RABGEF1: variants seen among roughly 807,000 people sequenced by gnomAD.
RABGEF1 encodes the protein RAB guanine nucleotide exchange factor 1.
A neutral mutation model predicts 57.3 loss-of-function variants in RABGEF1; 26 were observed. The ratio of observed to expected loss-of-function variants is 0.45; its 90% CI spans 0.33 to 0.63. The LOEUF (loss-of-function observed/expected upper bound fraction) is 0.63, where lower values mean the gene tolerates loss of function less well. RABGEF1 is among the 20% of genes least tolerant of loss of function. RABGEF1 has a pLI of 0.02. For missense variants in RABGEF1, 464 were observed against 607.6 expected (o/e 0.76, Z 2.48); for synonymous variants, 185 against 210.7 (o/e 0.88, Z 1.06).
At chr7:66,754,855 G>C (rs1802328151) in intron 1 of RABGEF1, among the ~76,000 whole-genome samples, 1 of 152,276 alleles carries the variant, frequency 6.6e-6, no homozygotes, top group South Asian at 2.1e-4. Context: ...CTACAGCAAA[G>C]CTAAAACTAT....
At chr7:66,780,243 TAGTC>T (rs1809572600) in intron 3 of RABGEF1, among the ~76,000 whole-genome samples, 1 of 151,670 alleles carries the variant, frequency 6.6e-6, no homozygotes, top group Non-Finnish European at 1.5e-5. Context: ...TACTACCTCA[TAGTC>T]AGTTGTTAAT....
At chr7:66,751,187 C>T (rs971700874) in intron 1 of RABGEF1, among the ~76,000 whole-genome samples, 10 of 152,120 alleles carry the variant, frequency 6.6e-5, no homozygotes, top group African/African-American at 2.4e-4. Flanking sequence ...TGCGCCACCG[C>T]ACCTGGCTAA....
chr7:66,663,056 G>A, the RABGEF1 span, among the ~76,000 whole-genome samples: 22 of 152,362 alleles, frequency 1.4e-4, 1 homozygote, highest in African/African-American at 5.1e-4. Context: ...CGCCCAGGGC[G>A]GAAAACCGCT....
Position 66,810,571 on chromosome 7 carries a change from AT to A in RABGEF1, c.*1290del, listed in dbSNP as rs1218603909. The A allele has an allele frequency of 6.6e-6, 1 of 152,210 alleles. No individual in the cohort carries two copies. The highest frequency in any genetic ancestry group is 1.5e-5 in the Non-Finnish European group (1 of 68,028). 9.4% of individuals were successfully genotyped at this position (152,210 alleles called of 1,614,324 possible). ...TGATGTTAACTAAAACGAGTTAAAT[AT>A]TTAGGAGGCTTGACAGCTACCTGCA... On this transcript the variant is annotated 3_prime_UTR_variant, in exon 9 of 9. Transcript: ENST00000284957.
intron 2 of RABGEF1, among the ~76,000 whole-genome samples, chr7:66,729,339 G>C (rs1797033656): frequency 2.5e-4 from 1 of 3,992 alleles, no homozygotes; most frequent in African/African-American, 9.9e-4. Context: ...CCTCCCCTCT[G>C]TTCTCCCTTC....
At chr7:66,798,635 G>A (rs146600540) in intron 6 of RABGEF1, among the ~76,000 whole-genome samples, 5 of 152,284 alleles carry the variant, frequency 3.3e-5, no homozygotes, top group Non-Finnish European at 5.9e-5. Flanking sequence ...GGTCCTGCCC[G>A]TGGCCTCCTA....
chr7:66,752,275 C>A (rs1335245498), intron 1 of RABGEF1, among the ~76,000 whole-genome samples: 1 of 151,932 alleles, frequency 6.6e-6, no homozygotes, highest in Admixed American at 6.6e-5. Context: ...GGACGGATCA[C>A]AACAAGGTCA....
chr7:66,664,420 A>T, the RABGEF1 span, among the ~76,000 whole-genome samples: 3 of 151,460 alleles, frequency 2.0e-5, no homozygotes, highest in Non-Finnish European at 4.4e-5. Flanking sequence ...TCTCTACAGA[A>T]GTTTTTTGTT....
intron 2 of RABGEF1, among the ~76,000 whole-genome samples, chr7:66,724,384 G>A (rs928053979): frequency 1.0e-4 from 15 of 150,332 alleles, no homozygotes; most frequent in East Asian, 5.9e-4. Context: ...TTTTTGAGAC[G>A]GAGTCTCGCT....
rs1009973371 is a variant in RABGEF1, at chr7:66,792,148, G to A, written c.514-3363G>A. ...AAAAGATTATAGAAAAGATGATCCC[G>A]TACAATGATTAGAGAGTACTTGAGG... is the stretch of plus-strand genomic sequence containing the variant. On this transcript the variant is annotated intron_variant, in intron 4 of 8. Coordinates refer to ENST00000284957, the MANE Select transcript of RABGEF1 (RefSeq NM_014504.3). 1.5e-4 allele frequency among the ~76,000 whole-genome samples: 22 copies of A among 151,416 alleles called. No individual in the cohort carries two copies. In the East Asian group the frequency reaches 1.5e-3, roughly 11 times the overall value.
At chr7:66,766,171 T>C (rs1805648629) in intron 1 of RABGEF1, among the ~76,000 whole-genome samples, 1 of 151,942 alleles carries the variant, frequency 6.6e-6, no homozygotes, top group African/African-American at 2.4e-5. Flanking sequence ...ACACCGCCTC[T>C]ACAAAAAAAT....
intron 8 of RABGEF1, among the ~76,000 whole-genome samples, chr7:66,806,640 CTTTTTTTTTTTT>C (rs71997947): frequency 8.7e-6 from 1 of 114,620 alleles, no homozygotes; most frequent in Middle Eastern, 4.5e-3. Flanking sequence ...CTCATATATC[CTTTTTTTTTTTT>C]TTTTTTTTTG....
At chr7:66,682,947 A>G (rs1038580693) in intron 1 of RABGEF1, among the ~76,000 whole-genome samples, 12 of 152,166 alleles carry the variant, frequency 7.9e-5, no homozygotes, top group African/African-American at 9.7e-5. Context: ...AGGCTAGGTC[A>G]TAGGCAGCTG....
intron 1 of RABGEF1, chr7:66,755,788 G>C (rs968957618): frequency 2.9e-6 from 1 of 345,814 alleles, no homozygotes; most frequent in African/African-American, 2.1e-5. Context: ...GAAGACTGTT[G>C]TCTAGAACTC....
At chr7:66,682,569 C>T (rs1357897749) in intron 1 of RABGEF1, among the ~76,000 whole-genome samples, 1 of 152,192 alleles carries the variant, frequency 6.6e-6, no homozygotes, top group African/African-American at 2.4e-5. Context: ...CCGGCGGCTC[C>T]CCTCGGTCCG....
At chr7:66,808,222 T>C (rs1788854407) in intron 8 of RABGEF1, among the ~76,000 whole-genome samples, 1 of 151,948 alleles carries the variant, frequency 6.6e-6, no homozygotes, top group South Asian at 2.1e-4. Flanking sequence ...TTGTTCCTTT[T>C]TTTTTTTTTT....
In RABGEF1 at chr7:66,809,733, A is replaced by T. The variant is rs1789203144; in HGVS notation, c.*449A>T. On this transcript the variant is annotated 3_prime_UTR_variant, in exon 9 of 9. Transcript: ENST00000284957. ...GATAAGTAAATATGTAAAATTGTAAATATGTAAAAAAAAGAATGGTGTCTG... is the reference window on the plus strand; with the variant it reads ...GATAAGTAAATATGTAAAATTGTAATTATGTAAAAAAAAGAATGGTGTCTG... 1.3e-5 allele frequency: 2 copies of T among 153,246 alleles called. No individual in the cohort carries two copies. The highest frequency in any genetic ancestry group is 4.8e-5 in the African/African-American group (2 of 41,468). The allele number at this position is 153,246 out of a possible 1,614,324, so 9.5% of individuals were successfully genotyped here. A position where few individuals can be genotyped will look rare whatever the true frequency, so the allele number is the denominator to read the frequency against.
chr7:66,781,897 C>G (rs1360937375), intron 3 of RABGEF1, among the ~76,000 whole-genome samples: 2 of 152,214 alleles, frequency 1.3e-5, no homozygotes, highest in Non-Finnish European at 2.9e-5. Context: ...CTGGGACACT[C>G]TAGGACAGAC....
intron 1 of RABGEF1, among the ~76,000 whole-genome samples, chr7:66,697,127 G>A (rs144792815): frequency 1.3e-5 from 2 of 152,276 alleles, no homozygotes; most frequent in African/African-American, 4.8e-5. Context: ...GGTGGAGGGG[G>A]TGCAGAGCAG....
Sources: allele counts gnomAD v4.1 joint callset (sites outside exome capture counted in the v4.1 genomes callset), GRCh38; gene constraint gnomAD v4.1.1; transcripts MANE v1.5; gene names NCBI Gene and HGNC (gene_info 2026-07-23, HGNC 2026-07-21).